The following NPAS3 variants were observed in gnomAD, a reference collection of about 807,000 sequenced individuals.
NPAS3 encodes the protein neuronal PAS domain-containing protein 3.
A neutral mutation model predicts 73.1 loss-of-function variants in NPAS3; 14 were observed. That is an observed-to-expected ratio of 0.19 (90% CI 0.13 to 0.30). NPAS3 has a LOEUF of 0.30. Among genes scored for constraint, NPAS3 ranks in the 10% least tolerant of loss-of-function variants. The pLI is 1.00. For synonymous variants in NPAS3, 620 were observed against 541.5 expected (o/e 1.14, Z -2.01); for missense variants, 1,096 against 1,250.0 (o/e 0.88, Z 1.86).
At chr14:33,557,651 T>C (rs2055420334) in intron 4 of NPAS3, among the ~76,000 whole-genome samples, 1 of 152,240 alleles carries the variant, frequency 6.6e-6, no homozygotes, top group Non-Finnish European at 1.5e-5. Flanking sequence ...ACTTCACTAA[T>C]CCTCAATTTC....
chr14:33,178,376 G>A (rs1042971311), intron 2 of NPAS3, among the ~76,000 whole-genome samples: 32 of 152,000 alleles, frequency 2.1e-4, no homozygotes, highest in Non-Finnish European at 4.1e-4. Flanking sequence ...CCCGGCCGAA[G>A]TGAATCTTTA....
chr14:33,335,305 G>A (rs1157133764), intron 3 of NPAS3, among the ~76,000 whole-genome samples: 4 of 152,118 alleles, frequency 2.6e-5, no homozygotes, highest in Non-Finnish European at 4.4e-5. Context: ...GCAGGATCAG[G>A]TTTAAAATGG....
intron 4 of NPAS3, among the ~76,000 whole-genome samples, chr14:33,539,835 G>A (rs548639674): frequency 1.3e-5 from 2 of 152,204 alleles, no homozygotes; most frequent in African/African-American, 4.8e-5. Context: ...CACTGTTTGG[G>A]GGGTTTGTCT....
intron 2 of NPAS3, among the ~76,000 whole-genome samples, chr14:33,105,254 T>C (rs1231113847): frequency 6.6e-6 from 1 of 152,158 alleles, no homozygotes; most frequent in East Asian, 1.9e-4. Flanking sequence ...GCTCTGTCAC[T>C]TAATATATTT....
At chr14:33,616,941 G>A (rs1164214705) in intron 5 of NPAS3, among the ~76,000 whole-genome samples, 3 of 152,284 alleles carry the variant, frequency 2.0e-5, no homozygotes, top group East Asian at 3.9e-4. Context: ...AGTTAGTGAT[G>A]AATTTTTCTC....
At chr14:33,386,732 T>G (rs1429745254) in intron 4 of NPAS3, among the ~76,000 whole-genome samples, 7 of 152,210 alleles carry the variant, frequency 4.6e-5, no homozygotes, top group Admixed American at 3.9e-4. Flanking sequence ...TATTAAATTA[T>G]AAAAACATTT....
intron 5 of NPAS3, among the ~76,000 whole-genome samples, chr14:33,667,771 G>GAAA (rs2059495896): frequency 6.6e-6 from 1 of 152,134 alleles, no homozygotes; most frequent in African/African-American, 2.4e-5. Flanking sequence ...AGGGTCAGTG[G>GAAA]TTAATCATGG....
chr14:33,271,449 T>C (rs1952081), intron 3 of NPAS3, among the ~76,000 whole-genome samples: 7 of 152,120 alleles, frequency 4.6e-5, no homozygotes, highest in African/African-American at 9.7e-5. Context: ...GGCTAGCTGT[T>C]GGGGAGAAGG....
At chr14:33,672,540 G>C (rs1055925911) in intron 5 of NPAS3, among the ~76,000 whole-genome samples, 1 of 152,136 alleles carries the variant, frequency 6.6e-6, no homozygotes. Flanking sequence ...TTGGATTGGA[G>C]CTCTATTTAT....
intron 5 of NPAS3, among the ~76,000 whole-genome samples, chr14:33,579,193 T>C (rs1270408436): frequency 1.3e-5 from 2 of 152,230 alleles, no homozygotes; most frequent in African/African-American, 4.8e-5. Flanking sequence ...GAGGCGAAGG[T>C]GTCTGCTCAG....
Position 33,784,721 on chromosome 14 carries a change from T to TTTTATTTA in NPAS3, c.1153+6169_1153+6176dup, listed in dbSNP as rs1555333477. On this transcript the variant is annotated intron_variant, in intron 9 of 11. Transcript: ENST00000356141. The stretch of plus-strand genomic sequence containing the variant: ...AGCTGCTTTTATTTTTTATTGTTAT[T>TTTTATTTA]TTTATTTATTTATTTATTTATTTAT... Among the ~76,000 whole-genome samples, 88 of 104,040 alleles carry TTTTATTTA rather than the reference T, an allele frequency of 8.5e-4. 1 individual carries two copies. Among genetic ancestry groups the TTTTATTTA allele is most frequent in the African/African-American group, 3.5e-3 (85 of 24,584 alleles). 68.3% of individuals were successfully genotyped at this position (104,040 alleles called of 152,430 possible). A position where few individuals can be genotyped will look rare whatever the true frequency, so the allele number is the denominator to read the frequency against.
intron 1 of NPAS3, among the ~76,000 whole-genome samples, chr14:32,968,727 A>G (rs1412846056): frequency 6.6e-6 from 1 of 150,806 alleles, no homozygotes; most frequent in Non-Finnish European, 1.5e-5. Flanking sequence ...GTCTGTCATG[A>G]GGTTGGAGTC....
chr14:33,403,919 C>G (rs1343206014), intron 4 of NPAS3, among the ~76,000 whole-genome samples: 3 of 151,994 alleles, frequency 2.0e-5, no homozygotes, highest in Non-Finnish European at 4.4e-5. Context: ...TCTGACAGTC[C>G]TACATCCTCC....
chr14:33,311,477 C>T (rs961883943), intron 3 of NPAS3, among the ~76,000 whole-genome samples: 1 of 152,098 alleles, frequency 6.6e-6, no homozygotes, highest in Non-Finnish European at 1.5e-5. Context: ...ATCATTGATG[C>T]CATGGTGCAA....
intron 3 of NPAS3, among the ~76,000 whole-genome samples, chr14:33,287,959 C>T (rs1342177908): frequency 6.6e-6 from 1 of 151,828 alleles, no homozygotes; most frequent in Non-Finnish European, 1.5e-5. Context: ...CAGTTTTTTT[C>T]TTCCCTCAAA....
At chr14:33,302,593 G>T (rs2140157210) in intron 3 of NPAS3, among the ~76,000 whole-genome samples, 1 of 152,210 alleles carries the variant, frequency 6.6e-6, no homozygotes, top group African/African-American at 2.4e-5. Context: ...CACTAGAAAG[G>T]CATAAAATAA....
chr14:33,077,682 C>T (rs995961669), intron 2 of NPAS3, among the ~76,000 whole-genome samples: 1 of 148,088 alleles, frequency 6.8e-6, no homozygotes, highest in Non-Finnish European at 1.5e-5. Flanking sequence ...CTGCTTAGCA[C>T]TTTCAAGACT....
At chr14:33,294,601 C>T (rs1409649820) in intron 3 of NPAS3, among the ~76,000 whole-genome samples, 1 of 152,044 alleles carries the variant, frequency 6.6e-6, no homozygotes, top group African/African-American at 2.4e-5. Context: ...GCTCTATATT[C>T]TTAGTATTGT....
chr14:33,049,901 A>T (rs1595330550), intron 1 of NPAS3, among the ~76,000 whole-genome samples: 1 of 152,232 alleles, frequency 6.6e-6, no homozygotes, highest in Admixed American at 6.5e-5. Context: ...TCACTGGAGG[A>T]TAATTGCACT....
Sources: gnomAD v4.1 joint callset for allele counts (sites outside exome capture counted in the v4.1 genomes callset) on GRCh38, gnomAD v4.1.1 for gene constraint, MANE v1.5 for transcripts, NCBI Gene and HGNC (gene_info 2026-07-23, HGNC 2026-07-21) for gene names.